The following SVIP variants were observed in gnomAD, a reference collection of about 807,000 sequenced individuals.
The protein encoded by SVIP is small VCP interacting protein, also known as small VCP/p97-interacting protein.
A neutral mutation model predicts 12.9 loss-of-function variants in SVIP; 14 were observed. The observed-to-expected ratio is 1.08, with a 90% CI of 0.72 to 1.70. The LOEUF is 1.70. Ranked by LOEUF, SVIP falls within the 40% of genes most tolerant of loss-of-function variation. The pLI, the probability that SVIP is intolerant of heterozygous loss-of-function variation, is 0.00. For missense variants in SVIP, 93 were observed against 90.8 expected (o/e 1.02, Z -0.10); for synonymous variants, 35 against 33.3 (o/e 1.05, Z -0.17).
rs1435193227 is a variant in SVIP at position 22,822,214 on chromosome 11, A to C, written c.*905T>G. ...TATCTGAAGTAGACCTTTTGTAAGT[A>C]CAGTACCTACATGTTTTTTTCATAC... On this transcript the variant is annotated 3_prime_UTR_variant, in exon 4 of 4. Coordinates refer to ENST00000354193, the MANE Select transcript of SVIP (RefSeq NM_148893.3). The C allele has an allele frequency of 6.6e-6, 1 of 152,322 alleles. No homozygotes were observed. The highest frequency in any genetic ancestry group is 2.1e-4 in the South Asian group (1 of 4,832). The allele number at this position is 152,322 out of a possible 1,614,324, so 9.4% of individuals were successfully genotyped here. A position where few individuals can be genotyped will look rare whatever the true frequency, so the allele number is the denominator to read the frequency against.
At chr11:22,827,387 T>C in intron 2 of SVIP, 67 bp from the exon 3 acceptor site, 2 of 1,298,014 alleles carry the variant, frequency 1.5e-6, no homozygotes, top group Non-Finnish European at 2.2e-6. Flanking sequence ...AAACATTTTT[T>C]TGTCTATCTT....
chr11:22,827,061 T>C (rs1480780897), intron 3 of SVIP, 146 bp downstream of exon 3: 2 of 609,714 alleles, frequency 3.3e-6, no homozygotes, highest in Non-Finnish European at 5.8e-6. Context: ...TAAATTGGTA[T>C]TACTTCCAAT....
intron 3 of SVIP, among the ~76,000 whole-genome samples, chr11:22,823,996 C>CGA (rs1164911114): frequency 6.6e-6 from 1 of 152,148 alleles, no homozygotes; most frequent in African/African-American, 2.4e-5. Context: ...CAAAGCCTTC[C>CGA]TCTCACAGCT....
rs190144452 is a variant in SVIP, at chr11:22,822,971, C to A, written c.*148G>T. Reference sequence around the variant, plus strand: ...GCCATTCTCTAAGCTTGAAAATCAACGTTTTTTTAGCATTGCACTTAAGGG... The same window carrying A: ...GCCATTCTCTAAGCTTGAAAATCAAAGTTTTTTTAGCATTGCACTTAAGGG... On this transcript the variant is annotated 3_prime_UTR_variant, in exon 4 of 4. Transcript: ENST00000354193. 3.2e-6 allele frequency: 2 copies of A among 618,784 alleles called. No individual in the cohort carries two copies. The allele number at this position is 618,784 out of a possible 1,614,324, so 38.3% of individuals were successfully genotyped here.
Position 22,821,113 on chromosome 11 carries a change from T to TAC in SVIP, c.*2004_*2005dup, listed in dbSNP as rs112854123. ...TTTGCAGATATTATGTGTATATATA[T>TAC]ACACACATATATAATATATATATTA... is the stretch of plus-strand genomic sequence containing the variant. On this transcript the variant is annotated 3_prime_UTR_variant, in exon 4 of 4. Coordinates refer to ENST00000354193, the MANE Select transcript of SVIP (RefSeq NM_148893.3). 1,159 of 147,906 alleles carry TAC rather than the reference T, an allele frequency of 7.8e-3. 16 individuals carry two copies. Among genetic ancestry groups the TAC allele is most frequent in the East Asian group, 0.036 (186 of 5,104 alleles). 9.2% of individuals were successfully genotyped at this position (147,906 alleles called of 1,614,324 possible). A position where few individuals can be genotyped will look rare whatever the true frequency, so the allele number is the denominator to read the frequency against.
chr11:22,823,628 G>C (rs1191989039), intron 3 of SVIP, among the ~76,000 whole-genome samples: 1 of 152,210 alleles, frequency 6.6e-6, no homozygotes, highest in Non-Finnish European at 1.5e-5. Context: ...ACCCCAGGCA[G>C]TTTTCCTTGG....
Position 22,819,779 on chromosome 11 carries a change from C to G in SVIP, c.*3340G>C, listed in dbSNP as rs1429028501. 6.6e-6 allele frequency: 1 copy of G among 152,396 alleles called. No individual in the cohort carries two copies. The highest frequency in any genetic ancestry group is 1.5e-5 in the Non-Finnish European group (1 of 68,376). 9.4% of individuals were successfully genotyped at this position (152,396 alleles called of 1,614,324 possible). On this transcript the variant is annotated 3_prime_UTR_variant, in exon 4 of 4. Coordinates refer to ENST00000354193, the MANE Select transcript of SVIP (RefSeq NM_148893.3). ...AAGAGTGAAACTCCATCTCAAAAAA[C>G]AAAACAAAACCAAAAAAAGCCAATG...
intron 1 of SVIP, 189 bp downstream of exon 1, chr11:22,829,506 G>A (rs1376000131): frequency 1.9e-6 from 1 of 528,026 alleles, no homozygotes; most frequent in Non-Finnish European, 3.3e-6. Flanking sequence ...GATCTACACG[G>A]AGGCGACGGC....
chr11:22,828,295 A>G (rs1857799073), intron 1 of SVIP, among the ~76,000 whole-genome samples: 1 of 152,176 alleles, frequency 6.6e-6, no homozygotes, highest in Admixed American at 6.5e-5. Flanking sequence ...GGAGGGAAGG[A>G]CTGGAGTAAT....
chr11:22,827,272 T>C lies in SVIP; in HGVS notation c.154A>G (p.Lys52Glu), dbSNP rs368804445. ...TGTTTTTCTATTTTTTCCTTTTTCT[T>C]TCTCTTTTCTTGCACAGATTGAACA... ...LDVQSVQEKRKKKEKIEKQIA... is the reference protein window; with the variant it reads ...LDVQSVQEKREKKEKIEKQIA... Residue 52 changes from lysine to glutamate, a missense_variant, in exon 3 of 4, where the codon AAG (lysine) becomes GAG (glutamate). Physicochemically the swap from Lys to Glu is moderately conservative, Grantham distance 56 (BLOSUM62 1). Transcript: ENST00000354193. The C allele has an allele frequency of 3.1e-6, 5 of 1,610,874 alleles. No homozygotes were observed. The highest frequency in any genetic ancestry group is 4.2e-6 in the Non-Finnish European group (5 of 1,178,948).
chr11:22,828,686 A>G (rs1011794537), intron 1 of SVIP, among the ~76,000 whole-genome samples: 3 of 152,196 alleles, frequency 2.0e-5, no homozygotes, highest in Admixed American at 6.5e-5. Flanking sequence ...CTGACATGTT[A>G]TATTTTATCG....
rs1857413558 is a variant in SVIP, at chr11:22,819,507, C to G, written c.*3612G>C. On this transcript the variant is annotated 3_prime_UTR_variant, in exon 4 of 4. Transcript: ENST00000354193. ...CCAATGCAGGCCGGGCGCGGTGGCTCATGCCTGTAATCCCAGCACTTTGGG... is the reference window on the plus strand; with the variant it reads ...CCAATGCAGGCCGGGCGCGGTGGCTGATGCCTGTAATCCCAGCACTTTGGG... The G allele has an allele frequency of 6.6e-6, 1 of 152,296 alleles. No homozygotes were observed. The highest frequency in any genetic ancestry group is 1.5e-5 in the Non-Finnish European group (1 of 68,118). The allele number at this position is 152,296 out of a possible 1,614,324, so 9.4% of individuals were successfully genotyped here.
intron 1 of SVIP, 96 bp from the exon 2 acceptor site, chr11:22,827,970 A>C (rs1186506495): frequency 3.0e-5 from 29 of 957,356 alleles, no homozygotes; most frequent in Non-Finnish European, 3.9e-5. Flanking sequence ...AATTTACAAA[A>C]ATATTCGGTA....
rs1464192153 is a variant in SVIP, at chr11:22,822,379, CTCAT to C, written c.*736_*739del. 2 of 152,102 alleles carry C rather than the reference CTCAT, an allele frequency of 1.3e-5. No homozygotes were observed. The highest frequency in any genetic ancestry group is 2.9e-5 in the Non-Finnish European group (2 of 67,974). The allele number at this position is 152,102 out of a possible 1,614,324, so 9.4% of individuals were successfully genotyped here. A position where few individuals can be genotyped will look rare whatever the true frequency, so the allele number is the denominator to read the frequency against. ...TAACCCATCCAGATTATTAGTTTAA[CTCAT>C]TCAATTACTACAAAGATCCTTACAG... is the stretch of plus-strand genomic sequence containing the variant. On this transcript the variant is annotated 3_prime_UTR_variant, in exon 4 of 4. Coordinates refer to ENST00000354193, the MANE Select transcript of SVIP (RefSeq NM_148893.3).
At chr11:22,825,377 G>A (rs114288604) in intron 3 of SVIP, among the ~76,000 whole-genome samples, 1 of 152,086 alleles carries the variant, frequency 6.6e-6, no homozygotes, top group African/African-American at 2.4e-5. Flanking sequence ...GCAGAATGGA[G>A]CATGCCACTT....
chr11:22,827,778 C>A (rs1193491982), intron 2 of SVIP, 46 bp downstream of exon 2: 1 of 1,504,180 alleles, frequency 6.6e-7, no homozygotes. Context: ...AGAATAAAGT[C>A]CAAACTCAAT....
rs1857404663 is a variant in SVIP, at chr11:22,819,116, T to A, written c.*4003A>T. On this transcript the variant is annotated 3_prime_UTR_variant, in exon 4 of 4. Coordinates refer to ENST00000354193, the MANE Select transcript of SVIP (RefSeq NM_148893.3). ...TTTTCATTCTGCAAGATTACTAAAG[T>A]CATTTATTAGTTCCAGAAGTTTTTG... is the stretch of plus-strand genomic sequence containing the variant. 1 of 152,202 alleles carries A rather than the reference T, an allele frequency of 6.6e-6. No individual in the cohort carries two copies. The highest frequency in any genetic ancestry group is 2.1e-4 in the South Asian group (1 of 4,836). The allele number at this position is 152,202 out of a possible 1,614,324, so 9.4% of individuals were successfully genotyped here.
In SVIP at chr11:22,821,407, T is replaced by C. The variant is rs1316228399; in HGVS notation, c.*1712A>G. On this transcript the variant is annotated 3_prime_UTR_variant, in exon 4 of 4. Coordinates refer to ENST00000354193, the MANE Select transcript of SVIP (RefSeq NM_148893.3). ...TCTGAATATCATTCATGGTTAACAA[T>C]AGATAGTGTGACATTTGGGTATGAC... 1 of 152,038 alleles carries C rather than the reference T, an allele frequency of 6.6e-6. No individual in the cohort carries two copies. The highest frequency in any genetic ancestry group is 6.6e-5 in the Admixed American group (1 of 15,266). 9.4% of individuals were successfully genotyped at this position (152,038 alleles called of 1,614,324 possible).
chr11:22,825,703 T>G (rs1051441655), intron 3 of SVIP, among the ~76,000 whole-genome samples: 1 of 152,214 alleles, frequency 6.6e-6, no homozygotes, highest in Non-Finnish European at 1.5e-5. Flanking sequence ...AAGCTTCAAG[T>G]TTAAGAAAGC....
Sources: gnomAD v4.1 joint callset for allele counts (sites outside exome capture counted in the v4.1 genomes callset) on GRCh38, gnomAD v4.1.1 for gene constraint, MANE v1.5 for transcripts, NCBI Gene and HGNC (gene_info 2026-07-23, HGNC 2026-07-21) for gene names.